The following C8orf34 variants were observed in gnomAD, a reference collection of about 807,000 sequenced individuals.
C8orf34 encodes the protein chromosome 8 open reading frame 34, also known as uncharacterized protein C8orf34.
C8orf34 carries 65 observed loss-of-function variants against 68.3 expected under a neutral mutation model. The observed-to-expected ratio is 0.95, with a 90% CI of 0.78 to 1.17. The LOEUF (loss-of-function observed/expected upper bound fraction) is 1.17, where lower values mean the gene tolerates loss of function less well. Among genes scored for constraint, C8orf34 ranks in the 50% most tolerant of loss-of-function variants. The pLI is 0.00. For synonymous variants in C8orf34, 244 were observed against 241.2 expected (o/e 1.01, Z -0.11); for missense variants, 664 against 655.4 (o/e 1.01, Z -0.14).
intron 8 of C8orf34, among the ~76,000 whole-genome samples, chr8:68,670,656 T>C (rs7815607): frequency 0.71 from 108,491 of 151,932 alleles, 38,765 homozygotes; most frequent in Middle Eastern, 0.79. Context: ...CTTGCAATTG[T>C]CTCACCCCCC....
chr8:68,532,661 G>T (rs969512303), intron 6 of C8orf34, among the ~76,000 whole-genome samples: 1 of 152,082 alleles, frequency 6.6e-6, no homozygotes, highest in Non-Finnish European at 1.5e-5. Context: ...GTAAATCAGG[G>T]ACTAATAATC....
At chr8:68,815,185 T>A (rs1399534006) in intron 12 of C8orf34, among the ~76,000 whole-genome samples, 1 of 152,158 alleles carries the variant, frequency 6.6e-6, no homozygotes, top group Non-Finnish European at 1.5e-5. Context: ...TGTCACTCTT[T>A]TGAACTAGAA....
chr8:68,710,002 GA>G (rs957382769), intron 9 of C8orf34, among the ~76,000 whole-genome samples: 2 of 151,538 alleles, frequency 1.3e-5, no homozygotes, highest in Non-Finnish European at 2.9e-5. Context: ...TCTTCAACAG[GA>G]AAAAAACATC....
intron 5 of C8orf34, among the ~76,000 whole-genome samples, chr8:68,506,129 CAT>C (rs954539784): frequency 2.0e-5 from 3 of 151,722 alleles, no homozygotes; most frequent in East Asian, 1.9e-4. Context: ...CACACACACA[CAT>C]GCACATGCAC....
intron 12 of C8orf34, among the ~76,000 whole-genome samples, chr8:68,807,188 GT>G (rs1254652037): frequency 6.6e-6 from 1 of 152,040 alleles, no homozygotes; most frequent in African/African-American, 2.4e-5. Context: ...TGCCATCTTT[GT>G]TTGGTCAAGC....
intron 1 of C8orf34, among the ~76,000 whole-genome samples, chr8:68,384,015 T>A (rs1368998573): frequency 6.6e-6 from 1 of 152,220 alleles, no homozygotes; most frequent in Non-Finnish European, 1.5e-5. Flanking sequence ...TTCAGATGTG[T>A]GTCCTATTTA....
intron 7 of C8orf34, among the ~76,000 whole-genome samples, chr8:68,636,201 G>A (rs1031445500): frequency 6.6e-6 from 1 of 152,050 alleles, no homozygotes; most frequent in Non-Finnish European, 1.5e-5. Flanking sequence ...GGGGTGAAAC[G>A]AGGGAAACTG....
intron 8 of C8orf34, among the ~76,000 whole-genome samples, chr8:68,681,322 A>G (rs1222803333): frequency 1.3e-5 from 2 of 152,196 alleles, no homozygotes; most frequent in African/African-American, 2.4e-5. Flanking sequence ...ATTATTTGGG[A>G]ACTGATAAAT....
chr8:68,460,511 A>T (rs1811761580), intron 3 of C8orf34, among the ~76,000 whole-genome samples: 1 of 152,114 alleles, frequency 6.6e-6, no homozygotes, highest in Non-Finnish European at 1.5e-5. Context: ...CTGACCCCTG[A>T]CCCCTGAGCA....
intron 7 of C8orf34, among the ~76,000 whole-genome samples, chr8:68,574,986 T>C (rs1007295122): frequency 6.6e-6 from 1 of 151,936 alleles, no homozygotes; most frequent in African/African-American, 2.4e-5. Flanking sequence ...TTTTTGTATA[T>C]GTACAGAAAT....
intron 3 of C8orf34, among the ~76,000 whole-genome samples, chr8:68,465,857 C>T (rs1190726124): frequency 1.3e-5 from 2 of 151,128 alleles, no homozygotes; most frequent in East Asian, 1.9e-4. Context: ...TGCTAAATGA[C>T]GAGTTAATGG....
chr8:68,816,317 A>T (rs754312056), intron 13 of C8orf34, among the ~76,000 whole-genome samples: 17 of 151,944 alleles, frequency 1.1e-4, no homozygotes, highest in Non-Finnish European at 2.1e-4. Context: ...CAGGCCATGG[A>T]CTCTATGATG....
chr8:68,745,775 C>T (rs1485281171), intron 10 of C8orf34, among the ~76,000 whole-genome samples: 1 of 152,118 alleles, frequency 6.6e-6, no homozygotes, highest in East Asian at 1.9e-4. Flanking sequence ...GACTCCCACA[C>T]ATTAATAATG....
At chr8:68,592,196 C>G (rs1817409503) in intron 7 of C8orf34, among the ~76,000 whole-genome samples, 2 of 151,980 alleles carry the variant, frequency 1.3e-5, no homozygotes, top group Admixed American at 6.6e-5. Flanking sequence ...TCCATACTCT[C>G]CATATAGACA....
chr8:68,786,317 G>A (rs542584054), intron 11 of C8orf34, among the ~76,000 whole-genome samples: 25 of 151,504 alleles, frequency 1.7e-4, no homozygotes, highest in African/African-American at 4.8e-4. Flanking sequence ...TCTTTTCTTC[G>A]TTACCTCCTC....
At chr8:68,738,736 A>G (rs1384149389) in intron 10 of C8orf34, among the ~76,000 whole-genome samples, 1 of 152,136 alleles carries the variant, frequency 6.6e-6, no homozygotes, top group East Asian at 1.9e-4. Context: ...ATAAACCAAG[A>G]AGAAATTGAA....
intron 5 of C8orf34, 138 bp from the exon 6 acceptor site, chr8:68,521,661 G>T: frequency 1.5e-6 from 1 of 675,394 alleles, no homozygotes; most frequent in Non-Finnish European, 2.4e-6. Context: ...TAGTAGAGTT[G>T]GAGGAAACTG....
At chr8:68,367,968 A>T (rs563592797) in intron 1 of C8orf34, among the ~76,000 whole-genome samples, 1 of 151,022 alleles carries the variant, frequency 6.6e-6, no homozygotes, top group South Asian at 2.1e-4. Context: ...CTGAAGAAAG[A>T]TAAACTGGTA....
At chr8:68,718,397 G>A (rs922741337) in intron 9 of C8orf34, among the ~76,000 whole-genome samples, 2 of 151,834 alleles carry the variant, frequency 1.3e-5, no homozygotes, top group African/African-American at 2.4e-5. Flanking sequence ...AAATTTCCTG[G>A]GAAATTAAAT....
Sources: gnomAD v4.1 joint callset for allele counts (sites outside exome capture counted in the v4.1 genomes callset) on GRCh38, gnomAD v4.1.1 for gene constraint, MANE v1.5 for transcripts, NCBI Gene and HGNC (gene_info 2026-07-23, HGNC 2026-07-21) for gene names.